ZNF722: variants seen among roughly 807,000 people sequenced by gnomAD.
ZNF722 encodes the protein zinc finger protein 722.
the ZNF722 span, among the ~76,000 whole-genome samples, chr7:64,001,836 C>G: frequency 6.6e-6 from 1 of 151,878 alleles, no homozygotes; most frequent in East Asian, 1.9e-4. Flanking sequence ...AGTGTTTTAT[C>G]TATCTTAGTC....
the ZNF722 span, chr7:64,016,139 T>TA: frequency 5.2e-5 from 23 of 440,654 alleles, no homozygotes; most frequent in East Asian, 6.0e-4. Context: ...AGAATTTATT[T>TA]AAAAAAAATA....
the ZNF722 span, among the ~76,000 whole-genome samples, chr7:64,001,061 G>A: frequency 0.021 from 3,129 of 152,314 alleles, 50 homozygotes; most frequent in Non-Finnish European, 0.029. Context: ...ACAGGCATGA[G>A]CCACTGTGCG....
At chr7:64,014,968 G>A in the ZNF722 span, 1 of 1,156,476 alleles carries the variant, frequency 8.6e-7, no homozygotes, top group Middle Eastern at 2.0e-4. Flanking sequence ...TATTCGATTT[G>A]TAAAGTATAT....
At chr7:64,008,770 G>A in the ZNF722 span, among the ~76,000 whole-genome samples, 1 of 151,968 alleles carries the variant, frequency 6.6e-6, no homozygotes, top group African/African-American at 2.4e-5. Flanking sequence ...GTTTTTTCCA[G>A]TTCTGCGAAG....
the ZNF722 span, chr7:63,999,150 C>G: frequency 4.4e-6 from 4 of 915,620 alleles, no homozygotes; most frequent in Non-Finnish European, 6.8e-6. Flanking sequence ...TTAGTCCCCT[C>G]GAACCGTAAG....
the ZNF722 span, among the ~76,000 whole-genome samples, chr7:64,004,425 A>AAATATATATATATATATATAT: frequency 1.6e-5 from 1 of 61,112 alleles, no homozygotes. Flanking sequence ...AAAAAAAAAA[A>AAATATATATATATATATATAT]ATATATATAT....
chr7:64,005,713 G>C, the ZNF722 span: 3 of 1,575,094 alleles, frequency 1.9e-6, no homozygotes, highest in South Asian at 3.4e-5. Flanking sequence ...TGATGTTAGA[G>C]AACTACAGAA....
the ZNF722 span, among the ~76,000 whole-genome samples, chr7:64,000,435 C>CTTTTTTT: frequency 4.5e-5 from 1 of 22,168 alleles, no homozygotes; most frequent in Non-Finnish European, 1.1e-4. Context: ...CCATGCCCGG[C>CTTTTTTT]CTTTTTTTTT....
At chr7:64,012,439 G>C in the ZNF722 span, among the ~76,000 whole-genome samples, 1 of 152,128 alleles carries the variant, frequency 6.6e-6, no homozygotes, top group Non-Finnish European at 1.5e-5. Flanking sequence ...TGATGATGGT[G>C]ACCTACAGAT....
the ZNF722 span, among the ~76,000 whole-genome samples, chr7:64,013,567 C>T: frequency 3.3e-5 from 5 of 151,620 alleles, no homozygotes; most frequent in African/African-American, 1.2e-4. Flanking sequence ...CGCATTATAT[C>T]TACCCTATAC....
chr7:64,005,756 ACAC>A, the ZNF722 span: 5 of 1,513,470 alleles, frequency 3.3e-6, no homozygotes, highest in Non-Finnish European at 4.5e-6. Flanking sequence ...AAACTTCAAT[ACAC>A]AATTCCTAAT....
the ZNF722 span, among the ~76,000 whole-genome samples, chr7:64,012,639 T>C: frequency 6.6e-6 from 1 of 152,182 alleles, no homozygotes; most frequent in African/African-American, 2.4e-5. Context: ...CTAAGACTTA[T>C]GTGTTCTAAC....
the ZNF722 span, chr7:64,015,820 C>G: frequency 6.2e-7 from 1 of 1,608,374 alleles, no homozygotes; most frequent in Non-Finnish European, 8.5e-7. Context: ...GGAGAGAAAC[C>G]CTACAAATGT....
chr7:64,004,225 AC>A, the ZNF722 span, among the ~76,000 whole-genome samples: 15 of 147,456 alleles, frequency 1.0e-4, no homozygotes, highest in African/African-American at 3.8e-4. Context: ...ACATGGTAAA[AC>A]CCCGTCTCTA....
At chr7:64,003,103 A>G in the ZNF722 span, among the ~76,000 whole-genome samples, 2 of 152,166 alleles carry the variant, frequency 1.3e-5, no homozygotes, top group African/African-American at 4.8e-5. Flanking sequence ...AGATACATTC[A>G]GGAGAGTTTA....
the ZNF722 span, among the ~76,000 whole-genome samples, chr7:64,014,832 TC>T: frequency 6.6e-6 from 1 of 152,216 alleles, no homozygotes; most frequent in Non-Finnish European, 1.5e-5. Flanking sequence ...ACACACTTAT[TC>T]TATAAATTTC....
chr7:64,000,544 G>A, the ZNF722 span, among the ~76,000 whole-genome samples: 7 of 136,352 alleles, frequency 5.1e-5, no homozygotes, highest in South Asian at 2.4e-4. Context: ...TCTGGCTTTC[G>A]GGTTCAAGTG....
At chr7:64,012,113 C>T in the ZNF722 span, among the ~76,000 whole-genome samples, 1 of 152,162 alleles carries the variant, frequency 6.6e-6, no homozygotes, top group East Asian at 1.9e-4. Flanking sequence ...CCATGGTTTT[C>T]AGCTCCATCC....
At chr7:63,999,939 G>A in the ZNF722 span, among the ~76,000 whole-genome samples, 6 of 151,800 alleles carry the variant, frequency 4.0e-5, no homozygotes, top group African/African-American at 1.2e-4. Flanking sequence ...GAAGTGATCC[G>A]CCCATCTTGG....
Sources: gnomAD v4.1 joint callset for allele counts (sites outside exome capture counted in the v4.1 genomes callset) on GRCh38, gnomAD v4.1.1 for gene constraint, MANE v1.5 for transcripts, NCBI Gene and HGNC (gene_info 2026-07-23, HGNC 2026-07-21) for gene names.